Variants in FSTL4 observed in about 807,000 individuals in gnomAD.
FSTL4 encodes follistatin like 4.
FSTL4 carries 28 observed loss-of-function variants against 78.2 expected under a neutral mutation model. The observed-to-expected ratio is 0.36, with a 90% CI of 0.27 to 0.49. The LOEUF (loss-of-function observed/expected upper bound fraction) is 0.49. FSTL4 is among the 20% of genes least tolerant of loss of function. The probability of loss-of-function intolerance (pLI) is 0.98; values close to 1 mark genes in which losing one functional copy is unlikely to be tolerated. For missense variants in FSTL4, 922 were observed against 1,084.9 expected (o/e 0.85, Z 2.11); for synonymous variants, 422 against 440.5 (o/e 0.96, Z 0.53).
intron 2 of FSTL4, among the ~76,000 whole-genome samples, chr5:133,596,975 G>A (rs765994616): frequency 2.0e-5 from 3 of 152,080 alleles, no homozygotes; most frequent in Non-Finnish European, 2.9e-5. Context: ...CAAGAGAGAG[G>A]CGAGGCTGGT....
At chr5:133,363,021 A>C (rs1197695341) in intron 4 of FSTL4, among the ~76,000 whole-genome samples, 2 of 151,908 alleles carry the variant, frequency 1.3e-5, no homozygotes, top group African/African-American at 4.8e-5. Flanking sequence ...TAGAGCTCTT[A>C]TTTTAAACCT....
chr5:133,641,389 A>G, the FSTL4 span, among the ~76,000 whole-genome samples: 1 of 152,172 alleles, frequency 6.6e-6, no homozygotes. Flanking sequence ...CATTTTTTGT[A>G]TACTTGAATA....
chr5:133,820,527 G>A, the FSTL4 span, among the ~76,000 whole-genome samples: 23 of 152,120 alleles, frequency 1.5e-4, no homozygotes, highest in Non-Finnish European at 2.9e-5. Flanking sequence ...ATTTTTCTCT[G>A]TGGATCATGT....
chr5:133,558,643 C>G lies in FSTL4; in HGVS notation c.160+8543G>C, dbSNP rs80234384. The stretch of plus-strand genomic sequence containing the variant: ...TGAAAAGGTTTTTGTTTTTTTTTTT[C>G]TTTTTAATGCAGGCCCTGACGCATT... On this transcript the variant is annotated intron_variant, in intron 3 of 15. Transcript: ENST00000265342. Among the ~76,000 whole-genome samples, 4 of 147,816 alleles carry G rather than the reference C, an allele frequency of 2.7e-5. No individual in the cohort carries two copies. The East Asian group carries it at 7.8e-4, about 29-fold the overall frequency.
intron 3 of FSTL4, among the ~76,000 whole-genome samples, chr5:133,459,893 C>T (rs567939760): frequency 1.3e-5 from 2 of 152,364 alleles, no homozygotes; most frequent in Non-Finnish European, 2.9e-5. Context: ...CACACTCTCC[C>T]CCTGCCCCTG....
chr5:133,831,039 C>T, the FSTL4 span, among the ~76,000 whole-genome samples: 5 of 152,190 alleles, frequency 3.3e-5, no homozygotes, highest in African/African-American at 1.2e-4. Context: ...AGGGCCGAGA[C>T]GCTTAGCAGG....
chr5:133,778,286 C>A, the FSTL4 span, among the ~76,000 whole-genome samples: 3 of 152,210 alleles, frequency 2.0e-5, no homozygotes, highest in African/African-American at 7.2e-5. Context: ...AGCCCACCAC[C>A]CACTGAAGCT....
intron 3 of FSTL4, among the ~76,000 whole-genome samples, chr5:133,505,405 C>T (rs1758593192): frequency 1.3e-5 from 2 of 152,344 alleles, no homozygotes; most frequent in East Asian, 1.9e-4. Context: ...CCTCAAAGCA[C>T]ATCTGTGGCA....
chr5:133,210,107 G>T, intron 14 of FSTL4, 84 bp downstream of exon 14: 1 of 740,928 alleles, frequency 1.3e-6, no homozygotes, highest in East Asian at 2.7e-5. Context: ...TAGCTACCCG[G>T]GGAAGCAGGA....
chr5:133,267,060 C>T (rs990542612), intron 6 of FSTL4, among the ~76,000 whole-genome samples: 1 of 152,230 alleles, frequency 6.6e-6, no homozygotes, highest in Non-Finnish European at 1.5e-5. Flanking sequence ...TGTGTCTCCA[C>T]ACGTGGAGTC....
chr5:133,398,813 T>C (rs929060226), intron 4 of FSTL4, among the ~76,000 whole-genome samples: 23 of 152,342 alleles, frequency 1.5e-4, no homozygotes, highest in African/African-American at 4.1e-4. Flanking sequence ...TTGGTCTTTC[T>C]GGGAGCTCAC....
chr5:133,580,839 T>C lies in FSTL4; in HGVS notation c.127-13620A>G, dbSNP rs796814834. Among the ~76,000 whole-genome samples the C allele has an allele frequency of 3.9e-5, 6 of 152,292 alleles. No homozygotes were observed. The South Asian group carries it at 1.2e-3, about 32-fold the overall frequency. The stretch of plus-strand genomic sequence containing the variant: ...CCTAGGGATGGCAGTAGCATCCCAG[T>C]AGCAGCTTCCATTTACTAAGCAATT... On this transcript the variant is annotated intron_variant, in intron 2 of 15. Coordinates refer to ENST00000265342, the MANE Select transcript of FSTL4 (RefSeq NM_015082.2).
chr5:133,324,436 C>G (rs1338754526), intron 4 of FSTL4, among the ~76,000 whole-genome samples: 1 of 152,250 alleles, frequency 6.6e-6, no homozygotes, highest in Non-Finnish European at 1.5e-5. Context: ...CCGTCCTACT[C>G]TCTCACTGCA....
the FSTL4 span, among the ~76,000 whole-genome samples, chr5:133,722,360 G>T: frequency 6.6e-6 from 1 of 152,218 alleles, no homozygotes; most frequent in South Asian, 2.1e-4. Context: ...CTGGTCCCTG[G>T]TGTCAAAAAG....
At chr5:133,714,508 G>A in the FSTL4 span, among the ~76,000 whole-genome samples, 2 of 152,236 alleles carry the variant, frequency 1.3e-5, no homozygotes, top group South Asian at 4.1e-4. Context: ...CTGGTACAGA[G>A]GAGGTACTCA....
At chr5:133,792,807 C>A in the FSTL4 span, among the ~76,000 whole-genome samples, 2 of 152,292 alleles carry the variant, frequency 1.3e-5, no homozygotes, top group East Asian at 3.9e-4. Flanking sequence ...AAGCAGCAAT[C>A]CAAGTTTTAT....
At chr5:133,532,577 C>T (rs1759278251) in intron 3 of FSTL4, among the ~76,000 whole-genome samples, 1 of 152,086 alleles carries the variant, frequency 6.6e-6, no homozygotes, top group Non-Finnish European at 1.5e-5. Context: ...GAACAGAGGC[C>T]CCTCTCATGA....
intron 3 of FSTL4, among the ~76,000 whole-genome samples, chr5:133,443,576 C>A (rs1188124454): frequency 1.3e-5 from 2 of 152,234 alleles, no homozygotes; most frequent in African/African-American, 4.8e-5. Context: ...CCAATCTGAG[C>A]CTGGGTGTGT....
intron 3 of FSTL4, among the ~76,000 whole-genome samples, chr5:133,547,830 T>A (rs1232314610): frequency 6.6e-6 from 1 of 152,116 alleles, no homozygotes; most frequent in Non-Finnish European, 1.5e-5. Context: ...ATAAATAAAT[T>A]AACCAGTCTC....
Sources: allele counts gnomAD v4.1 joint callset (sites outside exome capture counted in the v4.1 genomes callset), GRCh38; gene constraint gnomAD v4.1.1; transcripts MANE v1.5; gene names NCBI Gene and HGNC (gene_info 2026-07-23, HGNC 2026-07-21).